The following MECOM variants were observed in gnomAD, a reference collection of about 807,000 sequenced individuals.
MECOM encodes histone-lysine N-methyltransferase MECOM.
A neutral mutation model predicts 116.3 loss-of-function variants in MECOM; 13 were observed. The observed-to-expected ratio is 0.11, with a 90% CI of 0.07 to 0.18. The LOEUF is 0.18. MECOM is among the 10% of genes least tolerant of loss of function. The pLI is 1.00. For missense variants in MECOM, 1,299 were observed against 1,509.0 expected (o/e 0.86, Z 2.31); for synonymous variants, 528 against 535.2 (o/e 0.99, Z 0.19).
At chr3:169,342,407 C>T (rs1275764792) in intron 2 of MECOM, among the ~76,000 whole-genome samples, 1 of 151,952 alleles carries the variant, frequency 6.6e-6, no homozygotes, top group Non-Finnish European at 1.5e-5. Flanking sequence ...TAAACTTAAT[C>T]ACTGCAAAGA....
Position 169,453,006 on chromosome 3 carries a change from T to C in MECOM, c.38-71482A>G, listed in dbSNP as rs533495931. Among the ~76,000 whole-genome samples the C allele has an allele frequency of 2.6e-5, 4 of 152,320 alleles. No individual in the cohort carries two copies. The East Asian group carries it at 7.7e-4, about 29-fold the overall frequency. ...GAAATTTCTCAAATGCAAACAAATA[T>C]ATTTCACCAAATAAAATCCTTACAT... On this transcript the variant is annotated intron_variant, in intron 1 of 16. Transcript: ENST00000651503.
chr3:169,273,971 G>GTAT (rs1348048732), intron 2 of MECOM, among the ~76,000 whole-genome samples: 3 of 149,912 alleles, frequency 2.0e-5, no homozygotes, highest in Non-Finnish European at 3.0e-5. Context: ...GAGTGCAGTG[G>GTAT]TATGATCTCA....
At chr3:169,202,819 CAAAA>C (rs11287862) in intron 2 of MECOM, among the ~76,000 whole-genome samples, 1 of 90,282 alleles carries the variant, frequency 1.1e-5, no homozygotes, top group Non-Finnish European at 2.3e-5. Flanking sequence ...TTGCCATTAG[CAAAA>C]AAAAAAAAAA....
chr3:169,088,042 C>T (rs1718402140), intron 16 of MECOM, among the ~76,000 whole-genome samples: 1 of 152,146 alleles, frequency 6.6e-6, no homozygotes, highest in South Asian at 2.1e-4. Context: ...TTCCCAACTT[C>T]CTTGGGATAT....
chr3:169,378,223 A>G (rs755852712), intron 2 of MECOM, among the ~76,000 whole-genome samples: 6 of 151,314 alleles, frequency 4.0e-5, no homozygotes, highest in Non-Finnish European at 5.9e-5. Context: ...CCTAATGTAG[A>G]TGACGGGTTG....
chr3:169,527,287 A>G (rs1448061213), intron 1 of MECOM, among the ~76,000 whole-genome samples: 1 of 152,230 alleles, frequency 6.6e-6, no homozygotes, highest in African/African-American at 2.4e-5. Context: ...AATCTAACTC[A>G]ACAACCTTGA....
intron 1 of MECOM, among the ~76,000 whole-genome samples, chr3:169,657,522 C>G (rs1290147816): frequency 6.6e-6 from 1 of 152,188 alleles, no homozygotes; most frequent in Non-Finnish European, 1.5e-5. Flanking sequence ...TAAATAGAGT[C>G]TGGGAATTCA....
At chr3:169,527,058 A>G (rs1471822311) in intron 1 of MECOM, among the ~76,000 whole-genome samples, 1 of 152,240 alleles carries the variant, frequency 6.6e-6, no homozygotes, top group African/African-American at 2.4e-5. Context: ...AATCAAAGTC[A>G]CTGTAACTAT....
intron 12 of MECOM, among the ~76,000 whole-genome samples, chr3:169,100,156 T>G (rs1723099266): frequency 1.4e-5 from 2 of 141,610 alleles, no homozygotes; most frequent in African/African-American, 5.3e-5. Context: ...TGGAGTGCAG[T>G]GGTGCAATCT....
chr3:169,295,781 C>A, intron 2 of MECOM, among the ~76,000 whole-genome samples: 1 of 152,110 alleles, frequency 6.6e-6, no homozygotes, highest in Non-Finnish European at 1.5e-5. Flanking sequence ...CTACCTCCAC[C>A]AAAACAAAAC....
Position 169,378,436 on chromosome 3 carries a change from AGAAAGAAAGAAAGAAG to A in MECOM, c.375+2735_375+2750del, listed in dbSNP as rs1244735400. ...AAGAAAGAAAGAAAGAAAGAAAGAAAGAAAGAAAGAAAGAAGGAAAGCAAGCAAGCAAGCAAGCAAG... is the reference window on the plus strand; with the variant it reads ...AAGAAAGAAAGAAAGAAAGAAAGAAAGAAAGCAAGCAAGCAAGCAAGCAAG... On this transcript the variant is annotated intron_variant, in intron 2 of 16. Transcript: ENST00000651503. Among the ~76,000 whole-genome samples, 44 of 82,350 alleles carry A rather than the reference AGAAAGAAAGAAAGAAG, an allele frequency of 5.3e-4. 4 individuals are homozygous for A. The highest frequency in any genetic ancestry group is 1.6e-3 in the African/African-American group (20 of 12,182). 54.0% of individuals were successfully genotyped at this position (82,350 alleles called of 152,430 possible).
At chr3:169,634,509 G>A (rs1772479093) in intron 1 of MECOM, among the ~76,000 whole-genome samples, 1 of 152,214 alleles carries the variant, frequency 6.6e-6, no homozygotes. Context: ...GCCAAGGCTT[G>A]TTGGTAAGGG....
intron 11 of MECOM, 79 bp downstream of exon 11, chr3:169,101,981 T>G: frequency 7.1e-7 from 1 of 1,411,926 alleles, no homozygotes; most frequent in African/African-American, 1.4e-5. Flanking sequence ...CAGGAATAAT[T>G]TCCAAAACAA....
intron 1 of MECOM, among the ~76,000 whole-genome samples, chr3:169,418,431 G>A (rs1739101243): frequency 6.6e-6 from 1 of 152,068 alleles, no homozygotes; most frequent in African/African-American, 2.4e-5. Flanking sequence ...CAAAAACCTG[G>A]TAGAGACACA....
intron 2 of MECOM, among the ~76,000 whole-genome samples, chr3:169,306,813 T>C (rs1406846079): frequency 6.6e-6 from 1 of 152,190 alleles, no homozygotes; most frequent in African/African-American, 2.4e-5. Context: ...TTCTTTCTCC[T>C]TCTCAAAGTG....
chr3:169,253,882 C>T (rs372857478), intron 2 of MECOM, among the ~76,000 whole-genome samples: 6 of 152,080 alleles, frequency 3.9e-5, no homozygotes, highest in Non-Finnish European at 8.8e-5. Context: ...GAAGTGGGTG[C>T]TCATTTCATT....
At chr3:169,649,048 A>G (rs1438652828) in intron 1 of MECOM, among the ~76,000 whole-genome samples, 1 of 152,198 alleles carries the variant, frequency 6.6e-6, no homozygotes, top group Admixed American at 6.5e-5. Flanking sequence ...CCATCTGCAG[A>G]CCCAAGGCTT....
chr3:169,348,943 C>T (rs1725825749), intron 2 of MECOM, among the ~76,000 whole-genome samples: 1 of 151,910 alleles, frequency 6.6e-6, no homozygotes, highest in Admixed American at 6.6e-5. Flanking sequence ...ACTGCCTGCA[C>T]AGTTAAGGCT....
chr3:169,543,050 G>A (rs1001660025), intron 1 of MECOM, among the ~76,000 whole-genome samples: 1 of 152,088 alleles, frequency 6.6e-6, no homozygotes, highest in Non-Finnish European at 1.5e-5. Context: ...TTCAACTTGA[G>A]AAAACAACTA....
Sources: gnomAD v4.1 joint callset for allele counts (sites outside exome capture counted in the v4.1 genomes callset) on GRCh38, gnomAD v4.1.1 for gene constraint, MANE v1.5 for transcripts, NCBI Gene and HGNC (gene_info 2026-07-23, HGNC 2026-07-21) for gene names.